GNAI1: variants seen among roughly 807,000 people sequenced by gnomAD.
The protein encoded by GNAI1 is G protein subunit alpha i1, also known as guanine nucleotide-binding protein G(i) subunit alpha-1.
Under a neutral mutation model 38.9 loss-of-function variants are expected in GNAI1, and 11 were observed. The ratio of observed to expected loss-of-function variants is 0.28; its 90% CI spans 0.18 to 0.47. The LOEUF is 0.47. Ranked by LOEUF, GNAI1 falls within the 20% of genes least tolerant of loss-of-function variation. The pLI, the probability that GNAI1 is intolerant of heterozygous loss-of-function variation, is 0.99. For synonymous variants in GNAI1, 166 were observed against 145.1 expected (o/e 1.14, Z -1.04); for missense variants, 317 against 436.9 (o/e 0.73, Z 2.45).
At chr7:80,170,370 T>C (rs1488892185) in intron 1 of GNAI1, among the ~76,000 whole-genome samples, 1 of 152,196 alleles carries the variant, frequency 6.6e-6, no homozygotes, top group East Asian at 1.9e-4. Context: ...GTGGTTTTGA[T>C]TTCCATTTCC....
chr7:80,208,416 T>C (rs1788815115), intron 5 of GNAI1, among the ~76,000 whole-genome samples: 1 of 152,212 alleles, frequency 6.6e-6, no homozygotes, highest in South Asian at 2.1e-4. Flanking sequence ...CTTCTAGTTA[T>C]CTTCATCTAG....
intron 1 of GNAI1, among the ~76,000 whole-genome samples, chr7:80,180,517 T>C (rs757923522): frequency 1.3e-5 from 2 of 152,216 alleles, no homozygotes; most frequent in Non-Finnish European, 2.9e-5. Flanking sequence ...TAGCTTTCTT[T>C]TGTGCAGCAT....
intron 7 of GNAI1, among the ~76,000 whole-genome samples, chr7:80,216,405 TAAAA>T (rs1339261949): frequency 1.3e-5 from 2 of 152,092 alleles, no homozygotes; most frequent in Non-Finnish European, 2.9e-5. Flanking sequence ...AAGACCTTAA[TAAAA>T]GAAAGAACAC....
chr7:80,225,435 G>GTTT lies in GNAI1; in HGVS notation c.*7948_*7950dup, dbSNP rs1006747619. ...GCAGCCAAATCAAAAGATTAGTGGGGTTTTTTTTAATGTTGTTATTGTGTT... is the reference window on the plus strand; with the variant it reads ...GCAGCCAAATCAAAAGATTAGTGGGGTTTTTTTTTTTAATGTTGTTATTGTGTT... On this transcript the variant is annotated 3_prime_UTR_variant, in exon 8 of 8. Transcript: ENST00000649796. 6.6e-6 allele frequency among the ~76,000 whole-genome samples: 1 copy of GTTT among 151,816 alleles called. No individual in the cohort carries two copies. The highest frequency in any genetic ancestry group is 1.5e-5 in the Non-Finnish European group (1 of 67,962).
At position 80,212,830 on chromosome 7, in the gene GNAI1, A is replaced by G. The variant is rs1363490208; in HGVS notation, c.835A>G (p.Lys279Glu). ...NKKDLFEEKI[K>E]KSPLTICYPE... Reference sequence around the variant, plus strand: ...GAAGGATCTCTTTGAAGAAAAAATCAAAAAGAGCCCTCTCACTATATGCTA... The same window carrying G: ...GAAGGATCTCTTTGAAGAAAAAATCGAAAAGAGCCCTCTCACTATATGCTA... Residue 279 changes from lysine to glutamate, a missense_variant, in exon 7 of 8, where the codon AAA (lysine) becomes GAA (glutamate). Transcript: ENST00000649796. The G allele has an allele frequency of 1.3e-6, 2 of 1,582,924 alleles. No homozygotes were observed. The highest frequency in any genetic ancestry group is 3.7e-5 in the Admixed American group (2 of 53,786).
chr7:80,156,528 A>C (rs922978419), intron 1 of GNAI1, among the ~76,000 whole-genome samples: 1 of 152,082 alleles, frequency 6.6e-6, no homozygotes, highest in Non-Finnish European at 1.5e-5. Flanking sequence ...TCCTGACTCA[A>C]GTGATCTTCC....
intron 1 of GNAI1, among the ~76,000 whole-genome samples, chr7:80,165,034 T>A (rs1787988788): frequency 6.6e-6 from 1 of 152,194 alleles, no homozygotes; most frequent in African/African-American, 2.4e-5. Flanking sequence ...GGATGTATTG[T>A]AGTAGCCAGC....
intron 1 of GNAI1, among the ~76,000 whole-genome samples, chr7:80,154,693 T>A (rs1184517601): frequency 6.6e-6 from 1 of 152,208 alleles, no homozygotes; most frequent in Non-Finnish European, 1.5e-5. Context: ...TTCTTTATAT[T>A]AAAGGAAATG....
Position 80,225,979 on chromosome 7 carries a change from C to A in GNAI1, c.*8486C>A, listed in dbSNP as rs1474810000. ...CTATATTGGAATATGGGAATAAATT[C>A]ATTTATAATTAGTTGAAATTGTCCA... On this transcript the variant is annotated 3_prime_UTR_variant, in exon 8 of 8. Transcript: ENST00000649796. Among the ~76,000 whole-genome samples the A allele has an allele frequency of 6.6e-6, 1 of 151,952 alleles. No individual in the cohort carries two copies. Among genetic ancestry groups the A allele is most frequent in the Non-Finnish European group, 1.5e-5 (1 of 68,006 alleles).
intron 1 of GNAI1, among the ~76,000 whole-genome samples, chr7:80,144,265 A>T (rs1352725570): frequency 6.6e-6 from 1 of 150,742 alleles, no homozygotes. Flanking sequence ...CTGTTAGTGT[A>T]AATTATGAAA....
In GNAI1 at chr7:80,218,775, T is replaced by C. The variant is rs988581604; in HGVS notation, c.*1282T>C. On this transcript the variant is annotated 3_prime_UTR_variant, in exon 8 of 8. Transcript: ENST00000649796. ...ACGATTACACTTAGAAAATGAGTAA[T>C]AGTGTTTAATAAGTCAGTGATTATA... The C allele has an allele frequency of 6.6e-6, 1 of 152,130 alleles. No homozygotes were observed. The highest frequency in any genetic ancestry group is 1.5e-5 in the Non-Finnish European group (1 of 68,020). 9.4% of individuals were successfully genotyped at this position (152,130 alleles called of 1,614,324 possible).
At chr7:80,151,356 T>C (rs1472408382) in intron 1 of GNAI1, among the ~76,000 whole-genome samples, 1 of 151,908 alleles carries the variant, frequency 6.6e-6, no homozygotes, top group African/African-American at 2.4e-5. Flanking sequence ...TGAAAACATA[T>C]AATTAAGTAG....
intron 5 of GNAI1, among the ~76,000 whole-genome samples, chr7:80,210,591 C>T (rs1788855477): frequency 1.3e-5 from 2 of 152,170 alleles, no homozygotes; most frequent in Admixed American, 6.5e-5. Context: ...ACTCTTTGAT[C>T]TCTGCATTCC....
At chr7:80,190,991 T>C (rs1788470188) in intron 3 of GNAI1, among the ~76,000 whole-genome samples, 1 of 152,182 alleles carries the variant, frequency 6.6e-6, no homozygotes, top group Non-Finnish European at 1.5e-5. Context: ...TTTGGAATCT[T>C]ATGTGGGCCT....
chr7:80,136,042 G>A (rs1787409277), intron 1 of GNAI1: 1 of 985,470 alleles, frequency 1.0e-6, no homozygotes, highest in African/African-American at 1.7e-5. Flanking sequence ...TGTCTCCGCT[G>A]CCACCGTTTC....
intron 5 of GNAI1, among the ~76,000 whole-genome samples, chr7:80,210,116 A>T (rs1460192061): frequency 6.6e-6 from 1 of 152,184 alleles, no homozygotes. Context: ...ACCAGTTCGC[A>T]TAGTGTTTTC....
At chr7:80,196,824 T>C (rs1450889553) in intron 3 of GNAI1, among the ~76,000 whole-genome samples, 1 of 151,918 alleles carries the variant, frequency 6.6e-6, no homozygotes, top group Non-Finnish European at 1.5e-5. Flanking sequence ...TTATCTGAGC[T>C]TTACAACTTG....
At chr7:80,208,075 A>G (rs957856432) in intron 5 of GNAI1, among the ~76,000 whole-genome samples, 5 of 152,086 alleles carry the variant, frequency 3.3e-5, no homozygotes, top group African/African-American at 1.2e-4. Flanking sequence ...CTAGCTTTGT[A>G]CCAGTTAGTT....
intron 1 of GNAI1, chr7:80,136,064 A>AT (rs1787409855): frequency 1.0e-6 from 1 of 984,212 alleles, no homozygotes; most frequent in African/African-American, 1.7e-5. Context: ...GATGAATGAG[A>AT]TTTGCCAGGT....
Sources: gnomAD v4.1 joint callset for allele counts (sites outside exome capture counted in the v4.1 genomes callset) on GRCh38, gnomAD v4.1.1 for gene constraint, MANE v1.5 for transcripts, NCBI Gene and HGNC (gene_info 2026-07-23, HGNC 2026-07-21) for gene names.